The following SLC35H1 variants were observed in gnomAD, a reference collection of about 807,000 sequenced individuals.
The protein encoded by SLC35H1 is ovarian cancer-overexpressed gene 1 protein.
chr20:46,362,361 G>A, the SLC35H1 span, among the ~76,000 whole-genome samples: 1 of 152,202 alleles, frequency 6.6e-6, no homozygotes, highest in Admixed American at 6.5e-5. Context: ...GCTGGGGGCA[G>A]CAGTCACATC....
the SLC35H1 span, chr20:46,355,789 G>A: frequency 3.2e-5 from 52 of 1,613,986 alleles, no homozygotes; most frequent in African/African-American, 3.3e-4. The surrounding 1 kb of genome is among the most constrained non-coding windows in gnomAD (Gnocchi z 4.8). Context: ...CACAAGAGAC[G>A]CTGGGGCCTC....
At chr20:46,349,666 C>G in the SLC35H1 span, 4 of 152,658 alleles carry the variant, frequency 2.6e-5, no homozygotes, top group South Asian at 6.2e-4. Context: ...TGCTTAGGGT[C>G]ACACAGCTAG....
the SLC35H1 span, among the ~76,000 whole-genome samples, chr20:46,360,925 G>A: frequency 6.6e-6 from 1 of 152,200 alleles, no homozygotes; most frequent in Non-Finnish European, 1.5e-5. Context: ...TAATAAAAGG[G>A]ACTGTTACAA....
chr20:46,355,134 G>C, the SLC35H1 span: 1 of 1,614,124 alleles, frequency 6.2e-7, no homozygotes. This position sits in a 1 kb window ranked among gnomAD's most constrained non-coding sequence, Gnocchi z 4.8. Flanking sequence ...CGATGAACGA[G>C]GCCCCCAGCA....
the SLC35H1 span, among the ~76,000 whole-genome samples, chr20:46,360,828 C>T: frequency 7.2e-5 from 11 of 152,332 alleles, no homozygotes; most frequent in South Asian, 1.9e-3. Context: ...GGATTACAGG[C>T]GTGAGCCACC....
the SLC35H1 span, chr20:46,354,977 G>A: frequency 6.2e-7 from 1 of 1,613,824 alleles, no homozygotes; most frequent in Non-Finnish European, 8.5e-7. Context: ...TGCAGGGCGG[G>A]GGACAGGCAC....
chr20:46,353,985 T>C, the SLC35H1 span, among the ~76,000 whole-genome samples: 1 of 152,052 alleles, frequency 6.6e-6, no homozygotes, highest in African/African-American at 2.4e-5. Context: ...TTTTCTGTAA[T>C]GACCCTGAGG....
the SLC35H1 span, chr20:46,358,539 C>T: frequency 6.2e-7 from 1 of 1,614,130 alleles, no homozygotes; most frequent in Non-Finnish European, 8.5e-7. Flanking sequence ...GCTCCTGAGT[C>T]AGCGGGGGCA....
chr20:46,352,276 G>A, the SLC35H1 span: 1 of 1,556,252 alleles, frequency 6.4e-7, no homozygotes, highest in East Asian at 2.2e-5. Flanking sequence ...GGGCTGCCTT[G>A]GCCAGCCCAA....
the SLC35H1 span, chr20:46,357,631 G>A: frequency 6.2e-7 from 1 of 1,613,232 alleles, no homozygotes; most frequent in Admixed American, 1.7e-5. Flanking sequence ...ACCTGTGGGA[G>A]CCACTCTTCT....
the SLC35H1 span, chr20:46,348,022 T>A: frequency 6.6e-6 from 1 of 152,224 alleles, no homozygotes; most frequent in Non-Finnish European, 1.5e-5. Flanking sequence ...AGTCACATCC[T>A]CAGCTTCCCC....
chr20:46,355,472 C>T, the SLC35H1 span: 153 of 633,150 alleles, frequency 2.4e-4, no homozygotes, highest in African/African-American at 8.6e-4. The surrounding 1 kb of genome is among the most constrained non-coding windows in gnomAD (Gnocchi z 4.8). Flanking sequence ...GCCACACTGA[C>T]GGCTGTCCTA....
the SLC35H1 span, among the ~76,000 whole-genome samples, chr20:46,363,520 CA>C: frequency 6.6e-6 from 1 of 152,194 alleles, no homozygotes; most frequent in Non-Finnish European, 1.5e-5. Flanking sequence ...AAGCCAAAAC[CA>C]AAAATCTATG....
At chr20:46,350,886 A>C in the SLC35H1 span, 2 of 1,613,912 alleles carry the variant, frequency 1.2e-6, no homozygotes, top group Non-Finnish European at 1.7e-6. Context: ...CAAAGTGCAG[A>C]CTTCCTGGGG....
chr20:46,351,927 TG>T, the SLC35H1 span: 1 of 1,025,618 alleles, frequency 9.8e-7, no homozygotes, highest in Non-Finnish European at 1.4e-6. Flanking sequence ...TGGCACCTAA[TG>T]GGGCACTTCC....
the SLC35H1 span, among the ~76,000 whole-genome samples, chr20:46,359,200 C>T: frequency 6.6e-5 from 10 of 152,234 alleles, no homozygotes; most frequent in Non-Finnish European, 2.9e-5. Context: ...ACTGCACCCA[C>T]CCTTCAGTCC....
the SLC35H1 span, chr20:46,352,146 G>A: frequency 1.9e-6 from 3 of 1,614,238 alleles, no homozygotes; most frequent in Non-Finnish European, 8.5e-7. Flanking sequence ...ATCCCGCCAA[G>A]GAAGAGGCTC....
the SLC35H1 span, among the ~76,000 whole-genome samples, chr20:46,356,223 C>A: frequency 6.6e-6 from 1 of 152,312 alleles, no homozygotes; most frequent in East Asian, 1.9e-4. Context: ...TCTTGTGTAG[C>A]CCCCAGGCCA....
the SLC35H1 span, among the ~76,000 whole-genome samples, chr20:46,363,537 G>A: frequency 1.3e-5 from 2 of 152,222 alleles, no homozygotes; most frequent in African/African-American, 2.4e-5. Flanking sequence ...CTATGATGAA[G>A]TCATCTTTGA....
Sources: gnomAD v4.1 joint callset for allele counts (sites outside exome capture counted in the v4.1 genomes callset) on GRCh38, gnomAD v4.1.1 for gene constraint, Gnocchi (gnomAD v3.1) non-coding constraint, MANE v1.5 for transcripts, NCBI Gene and HGNC (gene_info 2026-07-23, HGNC 2026-07-21) for gene names.